The following FRMPD1 variants were observed in gnomAD, a reference collection of about 807,000 sequenced individuals.
The protein encoded by FRMPD1 is FERM and PDZ domain containing 1.
A neutral mutation model predicts 117.8 loss-of-function variants in FRMPD1; 76 were observed. That is an observed-to-expected ratio of 0.65 (90% CI 0.54 to 0.78). The LOEUF (loss-of-function observed/expected upper bound fraction) is 0.78, where lower values mean the gene tolerates loss of function less well. Among genes scored for constraint, FRMPD1 ranks in the 30% least tolerant of loss-of-function variants. The pLI, the probability that FRMPD1 is intolerant of heterozygous loss-of-function variation, is 0.00. For missense variants in FRMPD1, 1,786 were observed against 1,964.5 expected (o/e 0.91, Z 1.72); for synonymous variants, 783 against 770.4 (o/e 1.02, Z -0.27).
At chr9:37,710,861 G>A (rs559557454) in intron 4 of FRMPD1, among the ~76,000 whole-genome samples, 337 of 151,614 alleles carry the variant, frequency 2.2e-3, no homozygotes, top group Non-Finnish European at 3.3e-3. Flanking sequence ...GGGAGGCTGA[G>A]GCAGGAGAAT....
chr9:37,746,169 C>G lies in FRMPD1; in HGVS notation c.4137C>G (p.Pro1379=). Residue 1379 remains proline, a synonymous_variant, in exon 16 of 16, where the codon CCC becomes CCG. Transcript: ENST00000377765. ...CTGCGGGAAGCCCGGTGGTTCTGCC[C>G]TGGAGGCCTGCCCGAGCCCACAGCT... The part of the protein sequence containing the change: ...PPSAGSPVVL[P]WRPARAHSCT... The G allele has an allele frequency of 2.5e-6, 4 of 1,613,654 alleles. No individual in the cohort carries two copies. Among genetic ancestry groups the G allele is most frequent in the Non-Finnish European group, 2.5e-6 (3 of 1,179,962 alleles).
chr9:37,646,762 A>G (rs188550782), upstream of FRMPD1, among the ~76,000 whole-genome samples: 178 of 152,296 alleles, frequency 1.2e-3, no homozygotes, highest in Non-Finnish European at 1.2e-3. Context: ...AAATGATTCT[A>G]TTTTGGGAAC....
At chr9:37,607,494 C>G in the FRMPD1 span, among the ~76,000 whole-genome samples, 7 of 152,318 alleles carry the variant, frequency 4.6e-5, no homozygotes, top group South Asian at 1.0e-3. Context: ...TGTTCCTTCT[C>G]TCTCTCACTG....
In FRMPD1 at chr9:37,740,283, C is replaced by T. The variant is rs150018986; in HGVS notation, c.1755C>T (p.Ala585=). ...GGGCCAGCAGCACGACAGACAGTGC[C>T]GAGTCCGAGGCGTCCGACTCAGCCA... ...TCGASSTTDS[A]ESEASDSANT... is the part of the protein sequence containing the mutation. Residue 585 remains alanine, a synonymous_variant, in exon 15 of 16, where the codon GCC becomes GCT. Coordinates refer to ENST00000377765, the MANE Select transcript of FRMPD1 (RefSeq NM_014907.3). This position sits in a 1 kb window ranked among gnomAD's most constrained non-coding sequence, Gnocchi z 4.2. 32 of 1,613,728 alleles carry T rather than the reference C, an allele frequency of 2.0e-5. No homozygotes were observed. The African/African-American group carries it at 3.2e-4, about 16-fold the overall frequency.
the FRMPD1 span, among the ~76,000 whole-genome samples, chr9:37,609,208 CTT>C: frequency 1.3e-5 from 2 of 151,966 alleles, no homozygotes; most frequent in African/African-American, 4.8e-5. Flanking sequence ...AGGAGAATCA[CTT>C]GAACCTGGGA....
At chr9:37,730,251 AC>A (rs1823810361) in intron 8 of FRMPD1, among the ~76,000 whole-genome samples, 1 of 152,100 alleles carries the variant, frequency 6.6e-6, no homozygotes, top group Non-Finnish European at 1.5e-5. Context: ...TGTGGGACTT[AC>A]CCCCGATATG....
chr9:37,724,750 C>T (rs1049111631), intron 7 of FRMPD1, among the ~76,000 whole-genome samples: 1 of 152,214 alleles, frequency 6.6e-6, no homozygotes, highest in African/African-American at 2.4e-5. Flanking sequence ...TTATACTTCA[C>T]AAGTTTCCCC....
the FRMPD1 span, among the ~76,000 whole-genome samples, chr9:37,617,115 C>T: frequency 2.6e-5 from 4 of 152,298 alleles, no homozygotes; most frequent in South Asian, 2.1e-4. Context: ...TATCCTACGC[C>T]CAAGAAACTG....
At chr9:37,636,772 C>G in the FRMPD1 span, 3 of 1,607,968 alleles carry the variant, frequency 1.9e-6, no homozygotes, top group African/African-American at 4.0e-5. Context: ...CTGCTCCGGG[C>G]CCCATCTGCT....
In FRMPD1 at chr9:37,746,673, C is replaced by T. The variant is rs200178192; in HGVS notation, c.4641C>T (p.His1547=). The change falls in exon 16 of 16, where the codon CAC becomes CAT. Residue 1547 remains histidine, a synonymous_variant. Transcript: ENST00000377765. ...AATCGACCTGCGAGAGAGGCTACCA[C>T]GACCTGAGTGTGAAACTCCTGGCCC... ...AAKSTCERGY[H]DLSVKLLARQ... is the part of the protein sequence containing the mutation. The T allele has an allele frequency of 1.8e-5, 29 of 1,614,010 alleles. No individual in the cohort carries two copies. Among genetic ancestry groups the T allele is most frequent in the East Asian group, 2.2e-5 (1 of 44,888 alleles).
intron 2 of FRMPD1, chr9:37,693,037 C>T (rs1238825333): frequency 2.2e-6 from 1 of 450,740 alleles, no homozygotes. Context: ...CATACATACT[C>T]ATACGCACAT....
chr9:37,618,737 C>T, the FRMPD1 span, among the ~76,000 whole-genome samples: 3 of 152,156 alleles, frequency 2.0e-5, no homozygotes, highest in African/African-American at 7.2e-5. Flanking sequence ...CATTCTTTCC[C>T]CTTCTTCTTG....
At chr9:37,685,369 C>T (rs545713588) in intron 1 of FRMPD1, among the ~76,000 whole-genome samples, 337 of 152,092 alleles carry the variant, frequency 2.2e-3, no homozygotes, top group South Asian at 6.4e-3. Flanking sequence ...TTCGGCTGGG[C>T]GCAGTGGCTC....
At chr9:37,675,353 G>T (rs1306070474) in intron 1 of FRMPD1, among the ~76,000 whole-genome samples, 1 of 151,884 alleles carries the variant, frequency 6.6e-6, no homozygotes, top group Non-Finnish European at 1.5e-5. Context: ...ACTGGGAGAT[G>T]GAGGTTGCGG....
chr9:37,632,655 A>G, the FRMPD1 span, among the ~76,000 whole-genome samples: 1 of 152,126 alleles, frequency 6.6e-6, no homozygotes, highest in African/African-American at 2.4e-5. Flanking sequence ...AGCTCCTGCA[A>G]AAGTCTCGGG....
chr9:37,637,691 C>T, the FRMPD1 span, among the ~76,000 whole-genome samples: 3 of 152,190 alleles, frequency 2.0e-5, no homozygotes, highest in Non-Finnish European at 4.4e-5. Context: ...AGGGCCATCA[C>T]TTAATCTCTC....
intron 1 of FRMPD1, among the ~76,000 whole-genome samples, chr9:37,692,422 A>G (rs1439465509): frequency 6.6e-6 from 1 of 152,160 alleles, no homozygotes. Context: ...TAAGATACAA[A>G]CCCAGTCTGT....
chr9:37,720,872 T>TGA (rs1363406588), intron 6 of FRMPD1, among the ~76,000 whole-genome samples: 5 of 152,166 alleles, frequency 3.3e-5, no homozygotes, highest in African/African-American at 1.2e-4. Context: ...GGCGACAGAG[T>TGA]GAGACTTCGT....
the FRMPD1 span, among the ~76,000 whole-genome samples, chr9:37,644,896 G>A: frequency 6.6e-6 from 1 of 152,188 alleles, no homozygotes; most frequent in Admixed American, 6.5e-5. Flanking sequence ...GTGCTAGAGA[G>A]GGTGGCATCT....
Sources: allele counts gnomAD v4.1 joint callset (sites outside exome capture counted in the v4.1 genomes callset), GRCh38; gene constraint gnomAD v4.1.1; non-coding constraint Gnocchi (gnomAD v3.1); transcripts MANE v1.5; gene names NCBI Gene and HGNC (gene_info 2026-07-23, HGNC 2026-07-21).